The following NMBR variants were observed in gnomAD, a reference collection of about 807,000 sequenced individuals.
NMBR encodes the protein neuromedin B receptor.
NMBR carries 16 observed loss-of-function variants against 20.5 expected under a neutral mutation model. The ratio of observed to expected loss-of-function variants is 0.78; its 90% CI spans 0.53 to 1.19. NMBR has a LOEUF of 1.19. NMBR is among the 50% of genes most tolerant of loss of function. The pLI is 0.00. For missense variants in NMBR, 582 were observed against 499.1 expected (o/e 1.17, Z -1.58); for synonymous variants, 212 against 196.6 (o/e 1.08, Z -0.65).
At chr6:142,133,916 C>G (rs1778195755) in intron 1 of NMBR, 2 of 702,226 alleles carry the variant, frequency 2.8e-6, no homozygotes, top group African/African-American at 3.5e-5. Context: ...AATATTCTTC[C>G]TCGGGGTGCT....
intron 1 of NMBR, among the ~76,000 whole-genome samples, chr6:142,112,165 T>C (rs1777777745): frequency 6.6e-6 from 1 of 152,188 alleles, no homozygotes; most frequent in East Asian, 1.9e-4. Context: ...ATAGTAATTT[T>C]TAAAGTTGGA....
chr6:142,092,908 C>G (rs1170372000), intron 1 of NMBR, among the ~76,000 whole-genome samples: 2 of 151,912 alleles, frequency 1.3e-5, no homozygotes, highest in Non-Finnish European at 2.9e-5. Flanking sequence ...AAACACTTAC[C>G]CAAAAAGGGT....
intron 1 of NMBR, among the ~76,000 whole-genome samples, chr6:142,126,757 A>ATT (rs34631481): frequency 0.052 from 2,664 of 51,262 alleles, 242 homozygotes; most frequent in African/African-American, 0.099. Context: ...TATTTGAGGG[A>ATT]TTTTTTTTTT....
At chr6:142,078,448 C>G in intron 3 of NMBR, 107 bp downstream of exon 3, 2 of 656,924 alleles carry the variant, frequency 3.0e-6, no homozygotes, top group Non-Finnish European at 5.2e-6. Context: ...TGTGAAGGCC[C>G]AACTCTGTTC....
chr6:142,142,740 A>G (rs1247310988), intron 1 of NMBR, among the ~76,000 whole-genome samples: 1 of 152,130 alleles, frequency 6.6e-6, no homozygotes, highest in African/African-American at 2.4e-5. Context: ...ATAAATCTTT[A>G]TTCACAGACA....
chr6:142,086,533 C>T (rs1415497201), intron 2 of NMBR, among the ~76,000 whole-genome samples: 3 of 152,066 alleles, frequency 2.0e-5, no homozygotes, highest in African/African-American at 7.2e-5. Context: ...ACTTCATCAA[C>T]AGTTACTCAG....
At chr6:142,096,067 C>A (rs1266098565) in intron 1 of NMBR, among the ~76,000 whole-genome samples, 1 of 152,000 alleles carries the variant, frequency 6.6e-6, no homozygotes, top group Non-Finnish European at 1.5e-5. Flanking sequence ...GTCTTGCTAG[C>A]AGTCTATCAA....
rs1215924771 is a variant in NMBR, at chr6:142,088,583, C to T, written c.76G>A (p.Glu26Lys). The T allele has an allele frequency of 3.7e-6, 6 of 1,613,218 alleles. No individual in the cohort carries two copies. The South Asian group carries it at 6.6e-5, about 18-fold the overall frequency. ...NESGSVPEGWERDFLPASDGT... is the reference protein window; with the variant it reads ...NESGSVPEGWKRDFLPASDGT... Reference sequence around the variant, plus strand: ...TCCGAGGCCGGCAGGAAATCCCTTTCCCACCCCTCGGGAACGGAACCGCTC... The same window carrying T: ...TCCGAGGCCGGCAGGAAATCCCTTTTCCACCCCTCGGGAACGGAACCGCTC... Residue 26 changes from glutamate to lysine, a missense_variant, in exon 2 of 4, where the codon GAA (glutamate) becomes AAA (lysine). Coordinates refer to ENST00000258042, the MANE Select transcript of NMBR (RefSeq NM_002511.4).
chr6:142,079,070 AAGAGAGAAAGAAAGAAAGAGAGAAAG>A (rs1777028774), intron 2 of NMBR, among the ~76,000 whole-genome samples, 167 bp from the exon 3 acceptor site: 1 of 101,098 alleles, frequency 9.9e-6, no homozygotes, highest in African/African-American at 4.7e-5. Flanking sequence ...GAGAGAGAGA[AAGAGAGAAAGAAAGAAAGAGAGAAAG>A]AGAGAGAGAG....
chr6:142,145,574 A>G (rs1399837238), intron 1 of NMBR, among the ~76,000 whole-genome samples: 1 of 152,202 alleles, frequency 6.6e-6, no homozygotes, highest in Admixed American at 6.5e-5. Context: ...CATGATACAT[A>G]GTTGATGCTC....
At chr6:142,116,001 G>A (rs150794699) in intron 1 of NMBR, among the ~76,000 whole-genome samples, 24 of 151,986 alleles carry the variant, frequency 1.6e-4, no homozygotes, top group African/African-American at 5.5e-4. Context: ...TTCTCTGATA[G>A]TGAATTAGTC....
intron 1 of NMBR, among the ~76,000 whole-genome samples, chr6:142,095,530 T>C (rs976877302): frequency 6.6e-6 from 1 of 152,220 alleles, no homozygotes; most frequent in Non-Finnish European, 1.5e-5. Flanking sequence ...ATAAGCTTTT[T>C]GATGTGCTGC....
At position 142,075,168 on chromosome 6, in the gene NMBR, C is replaced by T. The variant is rs1446780322; in HGVS notation, c.*480G>A. 6.6e-6 allele frequency among the ~76,000 whole-genome samples: 1 copy of T among 151,874 alleles called. No individual in the cohort carries two copies. The highest frequency in any genetic ancestry group is 1.9e-4 in the East Asian group (1 of 5,186). ...ATTGAATGAAATTCACCAGGACAAT[C>T]TGACTTGTATTTCAAATAATAGGAG... On this transcript the variant is annotated 3_prime_UTR_variant, in exon 4 of 4. Transcript: ENST00000258042.
chr6:142,112,700 A>G (rs1363436052), intron 1 of NMBR, among the ~76,000 whole-genome samples: 1 of 152,208 alleles, frequency 6.6e-6, no homozygotes, highest in Admixed American at 6.5e-5. Flanking sequence ...TCACTGGCTG[A>G]AAATGCAGAA....
At chr6:142,126,596 C>G (rs1778042501) in intron 1 of NMBR, among the ~76,000 whole-genome samples, 1 of 151,748 alleles carries the variant, frequency 6.6e-6, no homozygotes, top group African/African-American at 2.4e-5. Flanking sequence ...AATAGCCATT[C>G]TAACAGGTGT....
intron 3 of NMBR, among the ~76,000 whole-genome samples, chr6:142,077,561 A>AT (rs1006556863): frequency 6.6e-6 from 1 of 152,194 alleles, no homozygotes; most frequent in Non-Finnish European, 1.5e-5. Flanking sequence ...TAATTGGGTG[A>AT]TTTTTTAAGT....
At chr6:142,119,427 G>T (rs2842760) in intron 1 of NMBR, among the ~76,000 whole-genome samples, 51,550 of 151,772 alleles carry the variant, frequency 0.34, 10,376 homozygotes, top group Middle Eastern at 0.51. Flanking sequence ...ACCAGTTAAT[G>T]CCAAGTAAAT....
At chr6:142,134,764 G>A (rs1253995570) in intron 1 of NMBR, 1 of 690,356 alleles carries the variant, frequency 1.4e-6, no homozygotes, top group Non-Finnish European at 2.6e-6. Context: ...TAGATCTCTT[G>A]GGGAAAACAT....
At chr6:142,137,352 T>C (rs1433235840) in intron 1 of NMBR, among the ~76,000 whole-genome samples, 1 of 152,194 alleles carries the variant, frequency 6.6e-6, no homozygotes, top group African/African-American at 2.4e-5. Flanking sequence ...TTTTGTATCC[T>C]GAGACTTTGC....
Sources: gnomAD v4.1 joint callset for allele counts (sites outside exome capture counted in the v4.1 genomes callset) on GRCh38, gnomAD v4.1.1 for gene constraint, MANE v1.5 for transcripts, NCBI Gene and HGNC (gene_info 2026-07-23, HGNC 2026-07-21) for gene names.